ANKRD28: variants seen among roughly 807,000 people sequenced by gnomAD.
The protein encoded by ANKRD28 is serine/threonine-protein phosphatase 6 regulatory ankyrin repeat subunit A.
A neutral mutation model predicts 126.5 loss-of-function variants in ANKRD28; 44 were observed. That is an observed-to-expected ratio of 0.35 (90% CI 0.27 to 0.45). ANKRD28 has a LOEUF of 0.45. Ranked by LOEUF, ANKRD28 falls within the 20% of genes least tolerant of loss-of-function variation. The pLI, the probability that ANKRD28 is intolerant of heterozygous loss-of-function variation, is 1.00. For missense variants in ANKRD28, 1,110 were observed against 1,316.6 expected, an observed-to-expected ratio of 0.84 and a Z score of 2.43; for synonymous variants, 442 against 468.5, an observed-to-expected ratio of 0.94 and a Z score of 0.73.
intron 6 of ANKRD28, among the ~76,000 whole-genome samples, chr3:15,725,061 G>A (rs574904035): frequency 3.3e-4 from 51 of 152,254 alleles, no homozygotes; most frequent in African/African-American, 1.1e-3. Context: ...TAAAAAGAAT[G>A]TTGGCCCTCT....
chr3:15,845,513 CTGCCTA>C lies in ANKRD28; in HGVS notation c.27+13858_27+13863del, dbSNP rs1559594267. ...TACAGACATGCTAGTTTCTAACTACCTGCCTATGCCTTGGATTAGGCTACTTATTAG... is the reference window on the plus strand; with the variant it reads ...TACAGACATGCTAGTTTCTAACTACCTGCCTTGGATTAGGCTACTTATTAG... On this transcript the variant is annotated intron_variant, in intron 1 of 27. Transcript: ENST00000399451. This position sits in a 1 kb window ranked among gnomAD's most constrained non-coding sequence, Gnocchi z 4.9. Among the ~76,000 whole-genome samples, 1 of 152,152 alleles carries C rather than the reference CTGCCTA, an allele frequency of 6.6e-6. No homozygotes were observed. Among genetic ancestry groups the C allele is most frequent in the African/African-American group, 2.4e-5 (1 of 41,430 alleles).
intron 1 of ANKRD28, among the ~76,000 whole-genome samples, chr3:15,848,184 CTT>C (rs1380443024): frequency 6.6e-6 from 1 of 152,156 alleles, no homozygotes; most frequent in African/African-American, 2.4e-5. Context: ...GAGATTCAAA[CTT>C]AGGTGAAAAC....
intron 2 of ANKRD28, among the ~76,000 whole-genome samples, chr3:15,780,669 T>C (rs1235446052): frequency 6.6e-6 from 1 of 152,092 alleles, no homozygotes; most frequent in East Asian, 1.9e-4. Context: ...GATTTCAAAA[T>C]ATATTATAAA....
At chr3:15,806,276 T>C (rs1396369183) in intron 1 of ANKRD28, among the ~76,000 whole-genome samples, 2 of 152,200 alleles carry the variant, frequency 1.3e-5, no homozygotes, top group Non-Finnish European at 2.9e-5. Context: ...ACTTCTTAAA[T>C]GGGAAGAAGA....
At chr3:15,676,119 C>T in intron 26 of ANKRD28, 130 bp from the exon 27 acceptor site, 1 of 601,924 alleles carries the variant, frequency 1.7e-6, no homozygotes, top group Admixed American at 3.2e-5. Flanking sequence ...GAAACCTAGT[C>T]CTAATAACAA....
Position 15,814,706 on chromosome 3 carries a change from C to T in ANKRD28, c.28-19400G>A, listed in dbSNP as rs2060796779. Among the ~76,000 whole-genome samples, 1 of 151,826 alleles carries T rather than the reference C, an allele frequency of 6.6e-6. No individual in the cohort carries two copies. The highest frequency in any genetic ancestry group is 2.4e-5 in the African/African-American group (1 of 41,352). The stretch of plus-strand genomic sequence containing the variant: ...ATATATTCAGTTACTTACTAATCAG[C>T]AATTATTTACCCATGGGGACGTGTT... On this transcript the variant is annotated intron_variant, in intron 1 of 27. Coordinates refer to the ANKRD28 transcript ENST00000399451. The surrounding 1 kb of genome is among the most constrained non-coding windows in gnomAD (Gnocchi z 4.7).
intron 1 of ANKRD28, among the ~76,000 whole-genome samples, chr3:15,806,664 G>A (rs1174033050): frequency 2.0e-5 from 3 of 152,046 alleles, no homozygotes; most frequent in Non-Finnish European, 2.9e-5. Context: ...TGGGATTACA[G>A]GCGCATGCCA....
intron 1 of ANKRD28, among the ~76,000 whole-genome samples, chr3:15,848,281 T>C (rs930367363): frequency 6.6e-6 from 1 of 152,202 alleles, no homozygotes; most frequent in Non-Finnish European, 1.5e-5. Context: ...CTGACAATAA[T>C]GTGATCTTGG....
rs1320738219 is a variant in ANKRD28, at chr3:15,830,320, C to A, written c.27+29057G>T. ...GTCTCTTAGACCAGGGTCCCTAACC[C>A]CTGGACTGAGGACTGCTAGCCATTC... On this transcript the variant is annotated intron_variant, in intron 1 of 27. Coordinates refer to the ANKRD28 transcript ENST00000399451. The surrounding 1 kb of genome is among the most constrained non-coding windows in gnomAD (Gnocchi z 4.5). 6.6e-6 allele frequency among the ~76,000 whole-genome samples: 1 copy of A among 152,164 alleles called. No homozygotes were observed. Among genetic ancestry groups the A allele is most frequent in the Non-Finnish European group, 1.5e-5 (1 of 68,044 alleles).
At chr3:15,827,112 A>C (rs1347985363) in intron 1 of ANKRD28, among the ~76,000 whole-genome samples, 1 of 152,212 alleles carries the variant, frequency 6.6e-6, no homozygotes, top group Non-Finnish European at 1.5e-5. Context: ...AGATGAAAGA[A>C]AGGTAAGTGC....
rs549373559 is a variant in ANKRD28, at chr3:15,807,998, T to C, written c.28-12692A>G. The stretch of plus-strand genomic sequence containing the variant: ...CACTTTATGTACATTCACTTAATTC[T>C]AACAACATGCCTGCAAACTAGTTTT... On this transcript the variant is annotated intron_variant, in intron 1 of 27. Coordinates refer to the ANKRD28 transcript ENST00000399451. 1.5e-3 allele frequency among the ~76,000 whole-genome samples: 227 copies of C among 152,322 alleles called. 1 individual carries two copies. Among genetic ancestry groups the C allele is most frequent in the African/African-American group, 5.2e-3 (218 of 41,574 alleles).
intron 17 of ANKRD28, among the ~76,000 whole-genome samples, chr3:15,693,112 G>C (rs1202013989): frequency 2.0e-5 from 3 of 152,140 alleles, no homozygotes; most frequent in Non-Finnish European, 4.4e-5. Context: ...GAGAAACAGG[G>C]AGATGTTTAA....
intron 12 of ANKRD28, 61 bp downstream of exon 12, chr3:15,711,150 A>G (rs951944090): frequency 2.9e-6 from 4 of 1,364,948 alleles, no homozygotes; most frequent in Non-Finnish European, 4.1e-6. Context: ...AACAAAGATA[A>G]GAGAAAACCT....
chr3:15,820,361 A>G (rs2060916839), intron 1 of ANKRD28, among the ~76,000 whole-genome samples: 1 of 152,232 alleles, frequency 6.6e-6, no homozygotes. Flanking sequence ...GTGGAATCTA[A>G]TAAAATCTTT....
intron 17 of ANKRD28, among the ~76,000 whole-genome samples, chr3:15,693,325 G>A (rs982804174): frequency 2.3e-4 from 35 of 151,326 alleles, no homozygotes; most frequent in Non-Finnish European, 4.9e-4. Flanking sequence ...GTAATGGGGG[G>A]GCAGAGAGAG....
chr3:15,790,542 T>C lies in ANKRD28; in HGVS notation c.201+4681A>G, dbSNP rs143360271. 5.2e-4 allele frequency among the ~76,000 whole-genome samples: 79 copies of C among 152,154 alleles called. No individual in the cohort carries two copies. The East Asian group carries it at 0.015, about 29-fold the overall frequency. On this transcript the variant is annotated intron_variant, in intron 2 of 27. Transcript: ENST00000683139. ...ATCAAAAAAATAAAGAATAACCATATGATCATTTCAACTGATGTTGAAAAA... is the reference window on the plus strand; with the variant it reads ...ATCAAAAAAATAAAGAATAACCATACGATCATTTCAACTGATGTTGAAAAA...
chr3:15,780,338 C>A (rs962647321), intron 2 of ANKRD28, among the ~76,000 whole-genome samples: 1 of 151,738 alleles, frequency 6.6e-6, no homozygotes, highest in Non-Finnish European at 1.5e-5. Context: ...AAAAAAGTAA[C>A]ATATTTAGGT....
intron 6 of ANKRD28, among the ~76,000 whole-genome samples, chr3:15,729,716 A>C (rs2074437495): frequency 6.6e-6 from 1 of 152,212 alleles, no homozygotes; most frequent in South Asian, 2.1e-4. Context: ...AATTAAGCCA[A>C]GATACTGCAA....
intron 1 of ANKRD28, among the ~76,000 whole-genome samples, chr3:15,824,345 G>A (rs985169207): frequency 3.9e-5 from 6 of 152,002 alleles, no homozygotes; most frequent in South Asian, 2.1e-4. Context: ...TGATAGTGAC[G>A]GCATTTCACC....
Sources: gnomAD v4.1 joint callset for allele counts (sites outside exome capture counted in the v4.1 genomes callset) on GRCh38, gnomAD v4.1.1 for gene constraint, Gnocchi (gnomAD v3.1) non-coding constraint, MANE v1.5 for transcripts, NCBI Gene and HGNC (gene_info 2026-07-23, HGNC 2026-07-21) for gene names.